PBX3: variants seen among roughly 807,000 people sequenced by gnomAD.
PBX3 encodes the protein PBX homeobox 3.
PBX3 carries 14 observed loss-of-function variants against 48.5 expected under a neutral mutation model. That is an observed-to-expected ratio of 0.29 (90% CI 0.19 to 0.45). PBX3 has a LOEUF of 0.45. Among genes scored for constraint, PBX3 ranks in the 20% least tolerant of loss-of-function variants. The pLI is 1.00. For missense variants in PBX3, 386 were observed against 546.7 expected, an observed-to-expected ratio of 0.71 and a Z score of 2.93; for synonymous variants, 210 against 200.3, an observed-to-expected ratio of 1.05 and a Z score of -0.41.
chr9:125,966,108 C>A lies in PBX3; in HGVS notation c.*185C>A, dbSNP rs1297368207. On this transcript the variant is annotated 3_prime_UTR_variant, in exon 9 of 9. Transcript: ENST00000373489. ...TCATTTGTATTTATACTTAAAAACA[C>A]ACAATGTTAAAAAAAATAAAGCACT... The A allele has an allele frequency of 5.1e-6, 2 of 394,636 alleles. No individual in the cohort carries two copies. Among genetic ancestry groups the A allele is most frequent in the Admixed American group, 5.3e-5 (1 of 18,862 alleles). The allele number at this position is 394,636 out of a possible 1,614,324, so 24.4% of individuals were successfully genotyped here.
At chr9:125,835,449 G>A (rs1372804043) in intron 2 of PBX3, among the ~76,000 whole-genome samples, 1 of 151,202 alleles carries the variant, frequency 6.6e-6, no homozygotes, top group Non-Finnish European at 1.5e-5. Flanking sequence ...ATGGGAGAAA[G>A]TATTTGCAAG....
chr9:125,956,744 T>G (rs1842318071), intron 5 of PBX3, among the ~76,000 whole-genome samples: 1 of 152,238 alleles, frequency 6.6e-6, no homozygotes, highest in Non-Finnish European at 1.5e-5. Flanking sequence ...GAGTCATGAA[T>G]CCTTGATATG....
intron 2 of PBX3, among the ~76,000 whole-genome samples, chr9:125,891,734 T>C (rs1029224064): frequency 6.6e-6 from 1 of 152,318 alleles, no homozygotes; most frequent in Non-Finnish European, 1.5e-5. Context: ...ATTTTAACCA[T>C]GTGTATCTAT....
At chr9:125,877,175 G>A (rs1388333515) in intron 2 of PBX3, among the ~76,000 whole-genome samples, 1 of 152,130 alleles carries the variant, frequency 6.6e-6, no homozygotes, top group African/African-American at 2.4e-5. Context: ...TTTGGGATTG[G>A]CATATAGAAG....
chr9:125,908,729 A>G (rs923170364), intron 2 of PBX3, among the ~76,000 whole-genome samples: 1 of 152,034 alleles, frequency 6.6e-6, no homozygotes, highest in African/African-American at 2.4e-5. Context: ...TCTGAAGCTC[A>G]TTGCTTTCCC....
At chr9:125,769,971 C>T (rs1287515413) in intron 2 of PBX3, among the ~76,000 whole-genome samples, 1 of 151,898 alleles carries the variant, frequency 6.6e-6, no homozygotes, top group African/African-American at 2.4e-5. Context: ...GTATTTGTTG[C>T]TATCACATTG....
At chr9:125,776,733 G>A (rs781415125) in intron 2 of PBX3, among the ~76,000 whole-genome samples, 16 of 151,830 alleles carry the variant, frequency 1.1e-4, no homozygotes, top group Non-Finnish European at 1.6e-4. Context: ...TTGTAGAGAC[G>A]GGGTTTTGCC....
intron 2 of PBX3, among the ~76,000 whole-genome samples, chr9:125,803,586 G>A (rs1838034219): frequency 6.6e-6 from 1 of 152,028 alleles, no homozygotes; most frequent in African/African-American, 2.4e-5. Flanking sequence ...TTCAATCCAG[G>A]ATTTTCTGAT....
At chr9:125,959,975 G>A (rs762828520) in intron 5 of PBX3, among the ~76,000 whole-genome samples, 2 of 152,166 alleles carry the variant, frequency 1.3e-5, no homozygotes, top group Non-Finnish European at 2.9e-5. Context: ...AAGATCCTTT[G>A]TAGAAATCTC....
chr9:125,899,234 TATAA>T (rs1350321783), intron 2 of PBX3, among the ~76,000 whole-genome samples: 2 of 119,790 alleles, frequency 1.7e-5, no homozygotes, highest in Admixed American at 9.3e-5. Context: ...TATATTTATA[TATAA>T]ATATACATAT....
At position 125,946,958 on chromosome 9, in the gene PBX3, A is replaced by T. The variant is rs150950280; in HGVS notation, c.843+11351A>T. 3.1e-3 allele frequency among the ~76,000 whole-genome samples: 476 copies of T among 152,326 alleles called. 2 individuals are homozygous for T. The highest frequency in any genetic ancestry group is 0.011 in the African/African-American group (450 of 41,582). On this transcript the variant is annotated intron_variant, in intron 5 of 8. Transcript: ENST00000373489. ...AGAGGGAAAAGTAAGTCTGCCTCCA[A>T]TAAAACAACAATTCAATGACCACTG...
intron 3 of PBX3, among the ~76,000 whole-genome samples, chr9:125,916,188 C>T (rs1463864394): frequency 6.6e-6 from 1 of 152,150 alleles, no homozygotes; most frequent in African/African-American, 2.4e-5. Context: ...CCCTTATTAC[C>T]ACACCTGCAG....
At chr9:125,812,887 T>C (rs753735767) in intron 2 of PBX3, among the ~76,000 whole-genome samples, 36 of 152,184 alleles carry the variant, frequency 2.4e-4, no homozygotes, top group Non-Finnish European at 5.0e-4. Flanking sequence ...CAATATGGTG[T>C]AAGAGATAAA....
intron 2 of PBX3, among the ~76,000 whole-genome samples, chr9:125,780,429 C>A (rs1837235414): frequency 7.5e-6 from 1 of 132,504 alleles, no homozygotes; most frequent in African/African-American, 2.9e-5. Flanking sequence ...CCCCCCCCAC[C>A]TCCCTCCCAG....
At chr9:125,842,341 T>C (rs1839310707) in intron 2 of PBX3, among the ~76,000 whole-genome samples, 1 of 152,130 alleles carries the variant, frequency 6.6e-6, no homozygotes, top group Non-Finnish European at 1.5e-5. Context: ...GACACTCAAT[T>C]TTATTGTAAA....
intron 7 of PBX3, 55 bp from the exon 8 acceptor site, chr9:125,962,957 G>A: frequency 1.1e-6 from 1 of 922,430 alleles, no homozygotes; most frequent in Non-Finnish European, 1.7e-6. Flanking sequence ...CCTTTTGTAA[G>A]TGATGACGTT....
At chr9:125,841,059 G>A (rs868207860) in intron 2 of PBX3, among the ~76,000 whole-genome samples, 3 of 151,982 alleles carry the variant, frequency 2.0e-5, no homozygotes, top group Admixed American at 6.6e-5. Flanking sequence ...GGCTAACCAT[G>A]CGCTAGGGAC....
At chr9:125,793,663 C>T (rs1051877131) in intron 2 of PBX3, among the ~76,000 whole-genome samples, 6 of 151,850 alleles carry the variant, frequency 4.0e-5, no homozygotes, top group African/African-American at 1.5e-4. Flanking sequence ...TTCCTGACCT[C>T]AGGTAATCCG....
chr9:125,788,312 G>A (rs1389493936), intron 2 of PBX3, among the ~76,000 whole-genome samples: 1 of 152,154 alleles, frequency 6.6e-6, no homozygotes, highest in African/African-American at 2.4e-5. Flanking sequence ...CAGCCAAGGG[G>A]AAGAGACAAA....
Sources: gnomAD v4.1 joint callset for allele counts (sites outside exome capture counted in the v4.1 genomes callset) on GRCh38, gnomAD v4.1.1 for gene constraint, MANE v1.5 for transcripts, NCBI Gene and HGNC (gene_info 2026-07-23, HGNC 2026-07-21) for gene names.